The following STRN4 variants were observed in gnomAD, a reference collection of about 807,000 sequenced individuals.
STRN4 encodes the protein striatin 4.
STRN4 carries 27 observed loss-of-function variants against 77.9 expected under a neutral mutation model. The ratio of observed to expected loss-of-function variants is 0.35; its 90% CI spans 0.26 to 0.48. The LOEUF is 0.48. STRN4 is among the 20% of genes least tolerant of loss of function. STRN4 has a pLI of 0.99. For missense variants in STRN4, 798 were observed against 1,049.7 expected, an observed-to-expected ratio of 0.76 and a Z score of 3.31; for synonymous variants, 466 against 443.1, an observed-to-expected ratio of 1.05 and a Z score of -0.65.
chr19:46,728,424 G>C, intron 7 of STRN4, 194 bp downstream of exon 7: 1 of 746,846 alleles, frequency 1.3e-6, no homozygotes. Flanking sequence ...TCTCCATGGG[G>C]ATTTTCCAGG....
At chr19:46,731,333 C>T (rs2054246330) in intron 5 of STRN4, 1 of 169,894 alleles carries the variant, frequency 5.9e-6, no homozygotes, top group Non-Finnish European at 1.3e-5. Flanking sequence ...GAAAGCCAGC[C>T]AGCCTCGCGC....
intron 1 of STRN4, among the ~76,000 whole-genome samples, chr19:46,745,408 T>C (rs2054563390): frequency 6.6e-6 from 1 of 151,976 alleles, no homozygotes; most frequent in South Asian, 2.1e-4. Flanking sequence ...CCAAAGTTTC[T>C]CCTCAGAGGG....
chr19:46,724,844 C>T lies in STRN4; in HGVS notation c.1557G>A (p.Lys519=), dbSNP rs760195252. 6.8e-6 allele frequency: 11 copies of T among 1,613,826 alleles called. No individual in the cohort carries two copies. The South Asian group carries it at 1.1e-4, about 16-fold the overall frequency. The change falls in exon 12 of 18, where the codon AAG becomes AAA. Residue 519 remains lysine (K), a synonymous_variant. Coordinates refer to ENST00000263280, the MANE Select transcript of STRN4 (RefSeq NM_013403.3). ...AGGGATCCATGCTGAGGTCTGGAAT[C>T]TTCCAACTATGGATGCAGGCATCTG... ...GGADACIHSW[K]IPDLSMDPYD...
chr19:46,733,173 G>A lies in STRN4; in HGVS notation c.603C>T (p.Ser201=), dbSNP rs779229125. 6.2e-7 allele frequency: 1 copy of A among 1,611,636 alleles called. No homozygotes were observed. Among genetic ancestry groups the A allele is most frequent in the Non-Finnish European group, 8.5e-7 (1 of 1,180,004 alleles). The part of the protein sequence containing the change: ...ILDMRSKRVR[S]LLGRSLELNG... ...TGAGCTCCAGCGAGCGGCCCAGCAG[G>A]GAACGGACGCGCTTGGACCGCATGT... The change falls in exon 5 of 18, where the codon TCC becomes TCT. Residue 201 remains serine, a synonymous_variant. Transcript: ENST00000263280. This position sits in a 1 kb window ranked among gnomAD's most constrained non-coding sequence, Gnocchi z 4.3.
At chr19:46,734,732 T>A (rs1358719097) in intron 4 of STRN4, among the ~76,000 whole-genome samples, 1 of 152,192 alleles carries the variant, frequency 6.6e-6, no homozygotes, top group Non-Finnish European at 1.5e-5. Context: ...TGGCACGATC[T>A]CGGCTCACTG....
intron 14 of STRN4, 137 bp from the exon 15 acceptor site, chr19:46,722,477 G>A (rs974552107): frequency 5.4e-6 from 5 of 926,606 alleles, no homozygotes; most frequent in Non-Finnish European, 6.7e-6. Context: ...AGGGCACTCC[G>A]GTCCCCGACC....
At position 46,720,735 on chromosome 19, in the gene STRN4, T is replaced by A; in HGVS notation, c.2129A>T (p.Asn710Ile). ...DCSLRLWSLD[N>I]KTCVQEITAH... ...CGTGATCTCCTGCACGCACGTTTTG[T>A]TGTCCAGGCTCCAGAGACGCAGGGA... The change falls in exon 17 of 18, where the codon AAC (asparagine) becomes ATC (isoleucine). Residue 710 changes from asparagine to isoleucine, a missense_variant. By Grantham distance (149) the Asn-to-Ile change is moderately radical. Transcript: ENST00000263280. 1 of 1,605,348 alleles carries A rather than the reference T, an allele frequency of 6.2e-7. No homozygotes were observed. Among genetic ancestry groups the A allele is most frequent in the Non-Finnish European group, 8.5e-7 (1 of 1,174,826 alleles).
In STRN4 at chr19:46,741,564, G is replaced by A. The variant is rs1020935894; in HGVS notation, c.283-2676C>T. On this transcript the variant is annotated intron_variant, in intron 1 of 17. Coordinates refer to ENST00000263280, the MANE Select transcript of STRN4 (RefSeq NM_013403.3). This position sits in a 1 kb window ranked among gnomAD's most constrained non-coding sequence, Gnocchi z 4.9. ...CCCCACGGGCTGTCTGGTCTGCGAG[G>A]GCCAAGGTAGGCCTGAGGGTCGGTC... Among the ~76,000 whole-genome samples the A allele has an allele frequency of 5.3e-5, 8 of 152,178 alleles. No homozygotes were observed. The highest frequency in any genetic ancestry group is 1.9e-4 in the African/African-American group (8 of 41,438).
At chr19:46,728,508 T>G (rs1647767791) in intron 7 of STRN4, 110 bp downstream of exon 7, 18 of 1,382,468 alleles carry the variant, frequency 1.3e-5, no homozygotes, top group Non-Finnish European at 1.7e-5. Flanking sequence ...AGGAAACATA[T>G]CCGTCCGGTA....
intron 1 of STRN4, chr19:46,739,187 A>G (rs1019991976): frequency 2.2e-5 from 9 of 412,074 alleles, no homozygotes; most frequent in Middle Eastern, 7.4e-4. Context: ...TTTGGGGGGA[A>G]GTCGGGTCAG....
In STRN4 at chr19:46,746,378, C is replaced by G; in HGVS notation, c.53G>C (p.Arg18Pro). 1 of 1,121,940 alleles carries G rather than the reference C, an allele frequency of 8.9e-7. No individual in the cohort carries two copies. Among genetic ancestry groups the G allele is most frequent in the Non-Finnish European group, 1.1e-6 (1 of 919,938 alleles). 69.5% of individuals were successfully genotyped at this position (1,121,940 alleles called of 1,614,324 possible). ...AAVAAAASSC[R>P]PLGSGAGPGP... ...AGGGCCCGCGCCTGAGCCGAGCGGA[C>G]GGCAGGAGGAGGCGGCGGCGGCGAC... The change falls in exon 1 of 18, where the codon CGT becomes CCT. Residue 18 changes from arginine (R) to proline (P), a missense_variant. Physicochemically the swap from Arg to Pro is moderately radical, Grantham distance 103. Transcript: ENST00000263280.
At position 46,723,918 on chromosome 19, in the gene STRN4, G is replaced by A. The variant is rs2054041114; in HGVS notation, c.1595-634C>T. Among the ~76,000 whole-genome samples the A allele has an allele frequency of 6.6e-6, 1 of 152,088 alleles. No individual in the cohort carries two copies. Among genetic ancestry groups the A allele is most frequent in the African/African-American group, 2.4e-5 (1 of 41,412 alleles). On this transcript the variant is annotated intron_variant, in intron 12 of 17. Transcript: ENST00000263280. The surrounding 1 kb of genome is among the most constrained non-coding windows in gnomAD (Gnocchi z 5.5). ...GAGGAGACAAAGACCTCTGAACTCT[G>A]CCCAGACAAGGTGGAGCACAGGGCC...
intron 1 of STRN4, among the ~76,000 whole-genome samples, chr19:46,744,529 G>A (rs8101130): frequency 0.33 from 50,309 of 151,688 alleles, 8,425 homozygotes; most frequent in South Asian, 0.41. Context: ...GACTACAGGC[G>A]CATGTCACCA....
chr19:46,720,430 C>G, intron 17 of STRN4, 92 bp from the exon 18 acceptor site: 1 of 797,232 alleles, frequency 1.3e-6, no homozygotes, highest in Non-Finnish European at 1.7e-6. Flanking sequence ...AGGGCTCCCC[C>G]AGTGATTCTC....
chr19:46,729,824 C>T (rs555918003), intron 6 of STRN4, among the ~76,000 whole-genome samples: 13 of 152,316 alleles, frequency 8.5e-5, no homozygotes, highest in Middle Eastern at 3.4e-3. Context: ...ACAACTCAGA[C>T]GGAGGGACTC....
At chr19:46,746,042 G>A in intron 1 of STRN4, 107 bp downstream of exon 1, 1 of 919,688 alleles carries the variant, frequency 1.1e-6, no homozygotes, top group Non-Finnish European at 1.4e-6. Flanking sequence ...CCCCCCCGCC[G>A]GCCGTCCCGG....
At chr19:46,736,457 C>T (rs1481183992) in intron 4 of STRN4, 1 of 190,008 alleles carries the variant, frequency 5.3e-6, no homozygotes, top group Admixed American at 6.8e-5. Context: ...TTTAATATTA[C>T]CCTTGGGAAA....
intron 1 of STRN4, among the ~76,000 whole-genome samples, chr19:46,744,726 G>A (rs1241162865): frequency 6.6e-6 from 1 of 151,898 alleles, no homozygotes; most frequent in African/African-American, 2.4e-5. Context: ...TTGGGTACCA[G>A]CTTCCTACTA....
intron 15 of STRN4, 70 bp from the exon 16 acceptor site, chr19:46,722,142 G>T: frequency 6.2e-7 from 1 of 1,603,240 alleles, no homozygotes; most frequent in Non-Finnish European, 8.5e-7. Flanking sequence ...TGAAAGGACT[G>T]GACGAGAGAC....
Sources: gnomAD v4.1 joint callset for allele counts (sites outside exome capture counted in the v4.1 genomes callset) on GRCh38, gnomAD v4.1.1 for gene constraint, Gnocchi (gnomAD v3.1) non-coding constraint, MANE v1.5 for transcripts, NCBI Gene and HGNC (gene_info 2026-07-23, HGNC 2026-07-21) for gene names.